The following ADGRG1 variants were observed in gnomAD, a reference collection of about 807,000 sequenced individuals.
The protein encoded by ADGRG1 is adhesion G protein-coupled receptor G1.
In ADGRG1, 53 loss-of-function variants were observed where a neutral mutation model predicts 73.5. The observed-to-expected ratio is 0.72, with a 90% CI of 0.58 to 0.91. The LOEUF is 0.91. Ranked by LOEUF, ADGRG1 falls within the 40% of genes least tolerant of loss-of-function variation. ADGRG1 has a pLI of 0.00. For synonymous variants in ADGRG1, 394 were observed against 374.4 expected (o/e 1.05, Z -0.60); for missense variants, 795 against 871.8 (o/e 0.91, Z 1.11).
At chr16:57,622,884 C>G (rs1332412372), upstream of ADGRG1, 2 of 985,306 alleles carry the variant, frequency 2.0e-6, no homozygotes, top group Non-Finnish European at 2.4e-6. Flanking sequence ...CAGCCTGAAC[C>G]CTAAGGAACT....
chr16:57,631,800 C>T, intron 1 of ADGRG1: 1 of 985,474 alleles, frequency 1.0e-6, no homozygotes, highest in Non-Finnish European at 1.2e-6. Flanking sequence ...GGCTGAGACC[C>T]TGCCCCTCCT....
chr16:57,657,811 G>A (rs562373793), intron 10 of ADGRG1, among the ~76,000 whole-genome samples: 1 of 151,934 alleles, frequency 6.6e-6, no homozygotes, highest in South Asian at 2.1e-4. Context: ...GCATGATCTC[G>A]GCTCACTGCA....
Position 57,652,908 on chromosome 16 carries a change from T to G in ADGRG1, c.488-295T>G, listed in dbSNP as rs1012733712. Reference sequence around the variant, plus strand: ...CCTAAGGAGGCCTGGCTGGGCCCTCTCTGCTCCGTGTGTGTAGCCGAAGGT... The same window carrying G: ...CCTAAGGAGGCCTGGCTGGGCCCTCGCTGCTCCGTGTGTGTAGCCGAAGGT... On this transcript the variant is annotated intron_variant, in intron 3 of 13. Coordinates refer to ENST00000562631, the MANE Select transcript of ADGRG1 (RefSeq NM_201525.4). 5 of 1,267,778 alleles carry G rather than the reference T, an allele frequency of 3.9e-6. No individual in the cohort carries two copies. In the African/African-American group the frequency reaches 7.6e-5, roughly 19 times the overall value. The allele number at this position is 1,267,778 out of a possible 1,614,324, so 78.5% of individuals were successfully genotyped here.
At chr16:57,632,996 G>A (rs1341784238) in intron 1 of ADGRG1, 4 of 969,742 alleles carry the variant, frequency 4.1e-6, no homozygotes, top group Admixed American at 6.2e-5. Flanking sequence ...CACCTCCCAG[G>A]CCCTTTCCCC....
Position 57,665,072 on chromosome 16 carries a change from GTGCTTCTAT to G in ADGRG1, c.*1493_*1501del, listed in dbSNP as rs1164717886. The G allele has an allele frequency of 1.4e-4, 22 of 151,976 alleles. No homozygotes were observed. The highest frequency in any genetic ancestry group is 5.3e-4 in the African/African-American group (22 of 41,360). The allele number at this position is 151,976 out of a possible 1,614,324, so 9.4% of individuals were successfully genotyped here. On this transcript the variant is annotated 3_prime_UTR_variant, in exon 14 of 14. Transcript: ENST00000562631. ...GTCATTTCCTTCTGAGCTTTTTCCT[GTGCTTCTAT>G]TGAAAGAGTCACTGATACTAATACA...
At chr16:57,624,797 T>C (rs2147032147), upstream of ADGRG1, 1 of 715,044 alleles carries the variant, frequency 1.4e-6, no homozygotes, top group Non-Finnish European at 1.7e-6. Context: ...CCCGGCAGCC[T>C]CCTCTCTACC....
upstream of ADGRG1, chr16:57,625,734 C>A: frequency 1.2e-6 from 1 of 835,010 alleles, no homozygotes; most frequent in Non-Finnish European, 1.4e-6. Context: ...TCTCCCTACC[C>A]AAACATCTTC....
chr16:57,650,943 C>T (rs1238671747), intron 2 of ADGRG1: 16 of 337,440 alleles, frequency 4.7e-5, no homozygotes, highest in Non-Finnish European at 6.3e-5. Context: ...CTCCTGACCT[C>T]GTGATCCGCC....
upstream of ADGRG1, chr16:57,626,614 A>G: frequency 5.1e-6 from 5 of 985,448 alleles, no homozygotes; most frequent in Non-Finnish European, 6.0e-6. Context: ...CTATGTGGCC[A>G]GAGTGGCAGC....
intron 1 of ADGRG1, chr16:57,634,993 G>C: frequency 2.0e-6 from 2 of 985,402 alleles, no homozygotes; most frequent in Non-Finnish European, 2.4e-6. Context: ...CCCTGTCCAT[G>C]TGTAAATAGC....
rs968641188 is a variant in ADGRG1 at position 57,659,453 on chromosome 16, C to T, written c.1327C>T (p.Leu443=). 8 of 1,613,912 alleles carry T rather than the reference C, an allele frequency of 5.0e-6. No homozygotes were observed. In the Middle Eastern group the frequency reaches 4.9e-4, roughly 100 times the overall value. The part of the protein sequence containing the change: ...RDYTIKVHMN[L]LLAVFLLDTS... ...CTACACCATCAAGGTGCACATGAAC[C>T]TGCTGCTGGCCGTCTTCCTGCTGGA... The change falls in exon 11 of 14, where the codon CTG becomes TTG. Residue 443 remains leucine (L), a synonymous_variant. Transcript: ENST00000562631.
At chr16:57,643,885 G>C (rs3785329) in intron 1 of ADGRG1, 10 of 971,942 alleles carry the variant, frequency 1.0e-5, no homozygotes, top group Non-Finnish European at 1.2e-5. Flanking sequence ...CCATGGGTGC[G>C]GCTGAGGGGT....
At chr16:57,640,174 C>G (rs1222985104) in intron 1 of ADGRG1, 1 of 152,256 alleles carries the variant, frequency 6.6e-6, no homozygotes, top group African/African-American at 2.4e-5. Flanking sequence ...GATTTGGGCC[C>G]TTGGGAGGAT....
intron 1 of ADGRG1, chr16:57,630,435 C>T: frequency 1.0e-6 from 1 of 985,810 alleles, no homozygotes; most frequent in Non-Finnish European, 1.2e-6. Flanking sequence ...GGCCCCCTTG[C>T]CCTTCCTCTC....
chr16:57,639,847 C>A, intron 1 of ADGRG1: 1 of 960,826 alleles, frequency 1.0e-6, no homozygotes, highest in Non-Finnish European at 1.2e-6. Context: ...CCCCTTCTCC[C>A]CAGCATTGAT....
chr16:57,629,906 T>C (rs2037272691), intron 1 of ADGRG1: 2 of 599,428 alleles, frequency 3.3e-6, no homozygotes, highest in South Asian at 1.5e-4. Flanking sequence ...CTGGGAGAGG[T>C]CTGATGTTCA....
upstream of ADGRG1, chr16:57,623,263 G>A (rs1051842431): frequency 1.0e-6 from 1 of 984,168 alleles, no homozygotes; most frequent in Non-Finnish European, 1.2e-6. Context: ...AGAGGCCAGT[G>A]CTGCAGCCAG....
rs988813416 is a variant in ADGRG1 at position 57,664,107 on chromosome 16, A to G, written c.*525A>G. On this transcript the variant is annotated 3_prime_UTR_variant, in exon 14 of 14. Coordinates refer to ENST00000562631, the MANE Select transcript of ADGRG1 (RefSeq NM_201525.4). ...ACCTTCAGGGCCAGAGCCCTGGCGG[A>G]GGAGAGGCCCTTTGCCAGGAGCACA... The G allele has an allele frequency of 3.7e-5, 6 of 162,512 alleles. No homozygotes were observed. Among genetic ancestry groups the G allele is most frequent in the Admixed American group, 3.0e-4 (5 of 16,708 alleles). The allele number at this position is 162,512 out of a possible 1,614,324, so 10.1% of individuals were successfully genotyped here.
rs1169437350 is a variant in ADGRG1, at chr16:57,628,965, TGTGA to T, written c.-36+167_-36+170del. The stretch of plus-strand genomic sequence containing the variant: ...GCGTGAGAGTGTGAGAGTGTGTGAG[TGTGA>T]GTGTGTGAGAGTGAGTGAGAATGTG... On this transcript the variant is annotated intron_variant, in intron 1 of 13. Coordinates refer to ENST00000562631, the MANE Select transcript of ADGRG1 (RefSeq NM_201525.4). The T allele has an allele frequency of 2.0e-5, 10 of 508,176 alleles. No homozygotes were observed. The Admixed American group carries it at 2.9e-4, about 15-fold the overall frequency. 31.5% of individuals were successfully genotyped at this position (508,176 alleles called of 1,614,324 possible).
Sources: allele counts gnomAD v4.1 joint callset (sites outside exome capture counted in the v4.1 genomes callset), GRCh38; gene constraint gnomAD v4.1.1; transcripts MANE v1.5; gene names NCBI Gene and HGNC (gene_info 2026-07-23, HGNC 2026-07-21).